Variants in PREX2 observed in about 807,000 individuals in gnomAD.
The protein encoded by PREX2 is phosphatidylinositol 3,4,5-trisphosphate-dependent Rac exchanger 2 protein.
A neutral mutation model predicts 203.2 loss-of-function variants in PREX2; 107 were observed. The ratio of observed to expected loss-of-function variants is 0.53; its 90% CI spans 0.45 to 0.62. PREX2 has a LOEUF of 0.62. Ranked by LOEUF, PREX2 falls within the 20% of genes least tolerant of loss-of-function variation. The pLI is 0.00. For synonymous variants in PREX2, 672 were observed against 663.6 expected (o/e 1.01, Z -0.19); for missense variants, 1,777 against 1,955.9 (o/e 0.91, Z 1.72).
chr8:68,067,808 T>C (rs1809064845), intron 11 of PREX2, among the ~76,000 whole-genome samples: 2 of 152,124 alleles, frequency 1.3e-5, no homozygotes, highest in Non-Finnish European at 2.9e-5. Flanking sequence ...GAGAAAAAGC[T>C]TTCAGCTTTT....
chr8:68,051,723 G>A (rs1041034947), intron 8 of PREX2, among the ~76,000 whole-genome samples: 1 of 152,046 alleles, frequency 6.6e-6, no homozygotes, highest in African/African-American at 2.4e-5. Context: ...ACACATAAAG[G>A]TAATAAAAGT....
chr8:67,967,561 G>A (rs550712646), intron 1 of PREX2, among the ~76,000 whole-genome samples: 29 of 152,304 alleles, frequency 1.9e-4, no homozygotes, highest in Middle Eastern at 3.4e-3. Context: ...GGGCACCATA[G>A]GCTGAAAAGC....
At chr8:68,098,667 T>C (rs1423074061) in intron 22 of PREX2, among the ~76,000 whole-genome samples, 1 of 151,676 alleles carries the variant, frequency 6.6e-6, no homozygotes, top group East Asian at 1.9e-4. Flanking sequence ...AAATATCACT[T>C]GGATTTTACA....
intron 35 of PREX2, among the ~76,000 whole-genome samples, chr8:68,162,410 G>A (rs1463615559): frequency 1.3e-5 from 2 of 152,040 alleles, no homozygotes; most frequent in Admixed American, 6.6e-5. Flanking sequence ...TAATGTTTCA[G>A]TATTTTAACT....
At chr8:68,088,039 C>T (rs552310027) in intron 19 of PREX2, among the ~76,000 whole-genome samples, 27 of 152,096 alleles carry the variant, frequency 1.8e-4, no homozygotes, top group Non-Finnish European at 4.4e-5. Context: ...CTAAATCTCA[C>T]TTTTCTGCAT....
intron 35 of PREX2, among the ~76,000 whole-genome samples, chr8:68,174,413 A>G (rs1191581540): frequency 2.0e-5 from 3 of 152,166 alleles, no homozygotes; most frequent in Non-Finnish European, 4.4e-5. Context: ...GTTCTCTGTT[A>G]TGTAGATTCA....
At chr8:67,972,003 C>G (rs1024874633) in intron 1 of PREX2, among the ~76,000 whole-genome samples, 1 of 152,106 alleles carries the variant, frequency 6.6e-6, no homozygotes, top group Non-Finnish European at 1.5e-5. Context: ...TTCTAAGTGC[C>G]AATTTGTGAA....
intron 26 of PREX2, among the ~76,000 whole-genome samples, 193 bp downstream of exon 26, chr8:68,116,125 T>C (rs978126714): frequency 6.6e-6 from 1 of 152,214 alleles, no homozygotes. Flanking sequence ...CCTTTTCTAA[T>C]ATGAGTAGCT....
chr8:68,097,513 T>C (rs1978760), intron 22 of PREX2, among the ~76,000 whole-genome samples: 69,927 of 151,896 alleles, frequency 0.46, 16,599 homozygotes, highest in African/African-American at 0.57. Context: ...TTAGTAGAGA[T>C]GAGGTTTCAC....
chr8:68,115,925 T>A lies in PREX2; in HGVS notation c.3319T>A (p.Ser1107Thr). 1 of 1,597,424 alleles carries A rather than the reference T, an allele frequency of 6.3e-7. No individual in the cohort carries two copies. Among genetic ancestry groups the A allele is most frequent in the East Asian group, 2.2e-5 (1 of 44,556 alleles). ...TCATGACACCATCAGCAACAGAGAC[T>A]CTTACAGGTAATTCACTAATTCCTC... ...SGHDTISNRD[S>T]YSDCNSNRNS... Residue 1107 changes from serine (S) to threonine (T), a missense_variant, in exon 26 of 40, where the codon TCT becomes ACT. Transcript: ENST00000288368.
rs1205135018 is a variant in PREX2 at position 67,952,237 on chromosome 8, C to A, written c.-158C>A. The A allele has an allele frequency of 9.0e-6, 5 of 554,578 alleles. No homozygotes were observed. The highest frequency in any genetic ancestry group is 8.0e-5 in the African/African-American group (4 of 50,130). 34.4% of individuals were successfully genotyped at this position (554,578 alleles called of 1,614,324 possible). On this transcript the variant is annotated 5_prime_UTR_variant, in exon 1 of 40. An upstream open reading frame in the 5' UTR gains an earlier in-frame stop. Coordinates refer to ENST00000288368, the MANE Select transcript of PREX2 (RefSeq NM_024870.4). ...TCAGCCCGATCCCCTCCTCTCCCTGCGCCCAGCCTCTCCCCAGCATGTAAA... is the reference window on the plus strand; with the variant it reads ...TCAGCCCGATCCCCTCCTCTCCCTGAGCCCAGCCTCTCCCCAGCATGTAAA...
intron 1 of PREX2, among the ~76,000 whole-genome samples, chr8:67,997,442 T>C (rs940172295): frequency 1.3e-5 from 2 of 152,186 alleles, no homozygotes; most frequent in Non-Finnish European, 2.9e-5. Flanking sequence ...AATAGAACAG[T>C]TATACTAGGG....
chr8:68,128,955 C>CT (rs1434363526), intron 31 of PREX2, among the ~76,000 whole-genome samples: 4 of 152,126 alleles, frequency 2.6e-5, no homozygotes, highest in Non-Finnish European at 5.9e-5. Context: ...TTTTGCCTTG[C>CT]TTTTTGACTG....
intron 1 of PREX2, among the ~76,000 whole-genome samples, chr8:67,992,407 C>T (rs1488112258): frequency 6.6e-6 from 1 of 152,176 alleles, no homozygotes; most frequent in African/African-American, 2.4e-5. Flanking sequence ...GTGTAATTAA[C>T]ATTTCTTTAG....
chr8:68,078,810 A>ACG (rs1554574310), intron 15 of PREX2, among the ~76,000 whole-genome samples: 1 of 151,888 alleles, frequency 6.6e-6, no homozygotes, highest in Non-Finnish European at 1.5e-5. Context: ...GCACCAACAC[A>ACG]GTAATTTTAT....
intron 10 of PREX2, among the ~76,000 whole-genome samples, chr8:68,059,661 G>T (rs762438969): frequency 2.0e-5 from 3 of 152,172 alleles, no homozygotes; most frequent in Non-Finnish European, 4.4e-5. Flanking sequence ...AGCTCAAGTG[G>T]GTTCTCTGCT....
At chr8:68,157,739 T>C (rs1012338795) in intron 35 of PREX2, among the ~76,000 whole-genome samples, 1 of 152,084 alleles carries the variant, frequency 6.6e-6, no homozygotes, top group Admixed American at 6.6e-5. Flanking sequence ...ACATATGTTA[T>C]AGTGGTGTCC....
Position 68,155,253 on chromosome 8 carries a change from C to G in PREX2, c.4232-2069C>G, listed in dbSNP as rs868335850. 9.1e-4 allele frequency among the ~76,000 whole-genome samples: 138 copies of G among 151,956 alleles called. 2 individuals are homozygous for G. The highest frequency in any genetic ancestry group is 1.2e-3 in the Admixed American group (19 of 15,250). Reference sequence around the variant, plus strand: ...AGGGTAAAGTTTCCTGGGCTCCTTCCCAGAAGCCATAAGAAATAAACAAAT... The same window carrying G: ...AGGGTAAAGTTTCCTGGGCTCCTTCGCAGAAGCCATAAGAAATAAACAAAT... On this transcript the variant is annotated intron_variant, in intron 34 of 39. Coordinates refer to ENST00000288368, the MANE Select transcript of PREX2 (RefSeq NM_024870.4).
intron 1 of PREX2, among the ~76,000 whole-genome samples, chr8:67,962,048 A>G (rs1341316980): frequency 6.6e-6 from 1 of 152,232 alleles, no homozygotes. Context: ...ATATAGATGG[A>G]TAAACATTTT....
Sources: gnomAD v4.1 joint callset for allele counts (sites outside exome capture counted in the v4.1 genomes callset) on GRCh38, gnomAD v4.1.1 for gene constraint, MANE v1.5 for transcripts, NCBI Gene and HGNC (gene_info 2026-07-23, HGNC 2026-07-21) for gene names.